Variants in TMEM114 observed in about 807,000 individuals in gnomAD.
TMEM114 encodes the protein transmembrane protein 114, also known as claudin-26.
TMEM114 carries 6 observed loss-of-function variants against 6.2 expected under a neutral mutation model. The ratio of observed to expected loss-of-function variants is 0.97; its 90% CI spans 0.53 to 1.91. TMEM114 has a LOEUF of 1.91. Among genes scored for constraint, TMEM114 ranks in the 40% most tolerant of loss-of-function variants. TMEM114 has a pLI of 0.01. For missense variants in TMEM114, 218 were observed against 158.3 expected, an observed-to-expected ratio of 1.38 and a Z score of -2.02; for synonymous variants, 104 against 73.0, an observed-to-expected ratio of 1.42 and a Z score of -2.16.
chr16:8,527,321 G>A, the TMEM114 span, among the ~76,000 whole-genome samples: 2 of 152,136 alleles, frequency 1.3e-5, no homozygotes, highest in South Asian at 2.1e-4. Context: ...GAGACAGCAG[G>A]GGAAAGTGGA....
chr16:8,557,279 G>A (rs889006298), intron 2 of TMEM114, among the ~76,000 whole-genome samples: 1 of 152,016 alleles, frequency 6.6e-6, no homozygotes, highest in East Asian at 1.9e-4. Context: ...CTTGCCCATG[G>A]GAGCACTAGC....
intron 2 of TMEM114, among the ~76,000 whole-genome samples, chr16:8,559,774 C>G (rs1440816508): frequency 6.6e-6 from 1 of 152,168 alleles, no homozygotes; most frequent in Non-Finnish European, 1.5e-5. Context: ...CTTCGTTCTG[C>G]TGATGATGGA....
chr16:8,566,869 A>C, downstream of TMEM114, among the ~76,000 whole-genome samples: 1 of 143,040 alleles, frequency 7.0e-6, no homozygotes, highest in African/African-American at 2.6e-5. Flanking sequence ...TCACATCTCT[A>C]CCAGACACCT....
At chr16:8,546,081 C>G (rs1900657230) in intron 2 of TMEM114, among the ~76,000 whole-genome samples, 1 of 152,070 alleles carries the variant, frequency 6.6e-6, no homozygotes, top group Non-Finnish European at 1.5e-5. Context: ...TGTCACTGCA[C>G]TCCAGCCTGG....
chr16:8,589,592 G>A, intron 1 of TMEM114, 27 bp downstream of exon 1: 1 of 398,520 alleles, frequency 2.5e-6, no homozygotes, highest in Middle Eastern at 6.3e-4. Context: ...CGCAGCCACA[G>A]CTCCCAGCCA....
At chr16:8,534,081 G>A (rs904244776), downstream of TMEM114, among the ~76,000 whole-genome samples, 1 of 152,188 alleles carries the variant, frequency 6.6e-6, no homozygotes, top group African/African-American at 2.4e-5. Context: ...TAGCCCTGCA[G>A]CCTTGCCATG....
downstream of TMEM114, among the ~76,000 whole-genome samples, chr16:8,535,093 C>A (rs1900318600): frequency 6.6e-6 from 1 of 152,242 alleles, no homozygotes; most frequent in South Asian, 2.1e-4. Flanking sequence ...TGGGAAGTCT[C>A]ACCATCTGAG....
intron 2 of TMEM114, among the ~76,000 whole-genome samples, chr16:8,574,737 T>G (rs1901859938): frequency 6.6e-6 from 1 of 152,122 alleles, no homozygotes; most frequent in South Asian, 2.1e-4. Context: ...CGTTCAGAAA[T>G]TAATGAGGTT....
Position 8,555,167 on chromosome 16 carries a change from G to C in TMEM114, n.213-17341C>G, listed in dbSNP as rs900641537. Among the ~76,000 whole-genome samples, 12 of 152,212 alleles carry C rather than the reference G, an allele frequency of 7.9e-5. 1 individual carries two copies. Among genetic ancestry groups the C allele is most frequent in the Admixed American group, 6.5e-4 (10 of 15,280 alleles). Reference sequence around the variant, plus strand: ...CCTGAGCTCTTCTCTCTTCACATGTGATGCTGACTTTCTGAGCACCTCATA... The same window carrying C: ...CCTGAGCTCTTCTCTCTTCACATGTCATGCTGACTTTCTGAGCACCTCATA... On this transcript the variant is annotated intron_variant and non_coding_transcript_variant, in intron 2 of 2. Coordinates refer to the TMEM114 transcript ENST00000623677.
At chr16:8,565,575 C>G (rs1270682339), downstream of TMEM114, among the ~76,000 whole-genome samples, 1 of 152,146 alleles carries the variant, frequency 6.6e-6, no homozygotes, top group Non-Finnish European at 1.5e-5. Flanking sequence ...CTCTAACCCC[C>G]GGTTAGTCCA....
chr16:8,542,146 G>T (rs927800162), intron 2 of TMEM114, among the ~76,000 whole-genome samples: 2 of 151,846 alleles, frequency 1.3e-5, no homozygotes, highest in South Asian at 2.1e-4. Flanking sequence ...GATTCGTGGG[G>T]GGGGGTCCCT....
intron 2 of TMEM114, among the ~76,000 whole-genome samples, chr16:8,542,254 CT>C (rs1352823388): frequency 6.6e-6 from 1 of 152,162 alleles, no homozygotes; most frequent in East Asian, 1.9e-4. Context: ...CATTCCCAAA[CT>C]TTGTGTCTAG....
chr16:8,572,077 G>A lies in TMEM114; in HGVS notation c.439+10C>T, dbSNP rs751858302. The A allele has an allele frequency of 3.3e-6, 5 of 1,536,158 alleles. No individual in the cohort carries two copies. Among genetic ancestry groups the A allele is most frequent in the Non-Finnish European group, 4.4e-6 (5 of 1,139,422 alleles). On this transcript the variant is annotated intron_variant, in intron 3 of 3. Transcript: ENST00000620492. ...CACAAGCCAGAGCCCTAGGCAGGGTGGGCACCTACCTCCAAAGAGGAAGAG... is the reference window on the plus strand; with the variant it reads ...CACAAGCCAGAGCCCTAGGCAGGGTAGGCACCTACCTCCAAAGAGGAAGAG...
At chr16:8,551,603 C>G (rs1020651493) in intron 2 of TMEM114, among the ~76,000 whole-genome samples, 21 of 152,198 alleles carry the variant, frequency 1.4e-4, no homozygotes, top group African/African-American at 5.1e-4. Flanking sequence ...TCAGATTTAA[C>G]CATACTAAAG....
At chr16:8,540,045 C>A (rs1399718298) in intron 2 of TMEM114, among the ~76,000 whole-genome samples, 1 of 151,918 alleles carries the variant, frequency 6.6e-6, no homozygotes, top group African/African-American at 2.4e-5. Flanking sequence ...CTTGAACTCT[C>A]GACCTCAGCC....
chr16:8,546,479 C>G (rs187747683), intron 2 of TMEM114, among the ~76,000 whole-genome samples: 2 of 152,332 alleles, frequency 1.3e-5, no homozygotes, highest in Non-Finnish European at 2.9e-5. Flanking sequence ...CGGACATTAT[C>G]TACAGGAACC....
rs1901414205 is a variant in TMEM114 at position 8,564,082 on chromosome 16, T to G, written n.212+25131A>C. 1.3e-5 allele frequency among the ~76,000 whole-genome samples: 2 copies of G among 149,672 alleles called. 1 individual carries two copies. The highest frequency in any genetic ancestry group is 1.3e-4 in the Admixed American group (2 of 15,186). ...GTAAATGAGTGAGTGAGTGCATGAA[T>G]GAGTGAGTGAGTGAATGAGTGAGGA... On this transcript the variant is annotated intron_variant and non_coding_transcript_variant, in intron 2 of 2. Transcript: ENST00000623677.
At chr16:8,545,901 G>C (rs544532674) in intron 2 of TMEM114, among the ~76,000 whole-genome samples, 2 of 152,126 alleles carry the variant, frequency 1.3e-5, no homozygotes, top group East Asian at 3.9e-4. Flanking sequence ...GATTGCTTGA[G>C]CCCAAGAGTT....
intron 2 of TMEM114, among the ~76,000 whole-genome samples, chr16:8,573,707 G>C (rs1441547040): frequency 1.3e-5 from 2 of 152,146 alleles, no homozygotes; most frequent in Non-Finnish European, 2.9e-5. Flanking sequence ...CTTCAGTGCA[G>C]GCTAAGCATC....
Sources: allele counts gnomAD v4.1 joint callset (sites outside exome capture counted in the v4.1 genomes callset), GRCh38; gene constraint gnomAD v4.1.1; transcripts MANE v1.5; gene names NCBI Gene and HGNC (gene_info 2026-07-23, HGNC 2026-07-21).